The following UBE2D3 variants were observed in gnomAD, a reference collection of about 807,000 sequenced individuals.
UBE2D3 encodes ubiquitin-conjugating enzyme E2 D3.
A neutral mutation model predicts 22.8 loss-of-function variants in UBE2D3; 2 were observed. The ratio of observed to expected loss-of-function variants is 0.09; its 90% CI spans 0.04 to 0.28. The LOEUF is 0.28. Ranked by LOEUF, UBE2D3 falls within the 10% of genes least tolerant of loss-of-function variation. UBE2D3 has a pLI of 1.00. For missense variants in UBE2D3, 27 were observed against 182.5 expected, an observed-to-expected ratio of 0.15 and a Z score of 4.91; for synonymous variants, 56 against 60.4, an observed-to-expected ratio of 0.93 and a Z score of 0.34.
chr4:102,802,348 G>GC (rs1394566894), intron 5 of UBE2D3: 4 of 354,074 alleles, frequency 1.1e-5, no homozygotes, highest in Non-Finnish European at 1.5e-5. Context: ...TCTGAATCTT[G>GC]CAACATTAAA....
At chr4:102,802,492 C>G in intron 5 of UBE2D3, 69 bp downstream of exon 5, 2 of 1,329,452 alleles carry the variant, frequency 1.5e-6, no homozygotes, top group Non-Finnish European at 2.1e-6. Context: ...CCCTATCTTC[C>G]AAGAATGCTC....
In UBE2D3 at chr4:102,827,414, C is replaced by T. The variant is rs1730746741; in HGVS notation, c.-129+13G>A. Reference sequence around the variant, plus strand: ...CTCCCTTCCCTGCCCTAGCCGTCCACACCCACGCGTACAGAGGGGCCGGGG... The same window carrying T: ...CTCCCTTCCCTGCCCTAGCCGTCCATACCCACGCGTACAGAGGGGCCGGGG... On this transcript the variant is annotated intron_variant, in intron 1 of 7. Transcript: ENST00000453744. The T allele has an allele frequency of 1.0e-6, 1 of 986,172 alleles. No homozygotes were observed. Among genetic ancestry groups the T allele is most frequent in the Non-Finnish European group, 1.2e-6 (1 of 830,144 alleles). 61.1% of individuals were successfully genotyped at this position (986,172 alleles called of 1,614,324 possible). A position where few individuals can be genotyped will look rare whatever the true frequency, so the allele number is the denominator to read the frequency against.
intron 4 of UBE2D3, chr4:102,809,145 C>CAT (rs1727544430): frequency 3.1e-6 from 1 of 323,882 alleles, no homozygotes; most frequent in Non-Finnish European, 6.8e-6. Flanking sequence ...AATTATCCAG[C>CAT]ATATAGTTGC....
intron 7 of UBE2D3, among the ~76,000 whole-genome samples, chr4:102,798,056 C>G (rs1370389991): frequency 6.6e-6 from 1 of 151,472 alleles, no homozygotes; most frequent in Admixed American, 6.6e-5. Context: ...TCACGTGTTA[C>G]TTTTAATAAG....
At position 102,794,474 on chromosome 4, in the gene UBE2D3, A is replaced by G. The variant is rs1725059358; in HGVS notation, c.*2941T>C. ...TCTTATGCAGATGTCACTATTAGAC[A>G]ATATTTAGTGACTTGCACTGGGTTC... is the stretch of plus-strand genomic sequence containing the variant. On this transcript the variant is annotated 3_prime_UTR_variant, in exon 8 of 8. Transcript: ENST00000453744. 1 of 152,150 alleles carries G rather than the reference A, an allele frequency of 6.6e-6. No homozygotes were observed. Among genetic ancestry groups the G allele is most frequent in the African/African-American group, 2.4e-5 (1 of 41,448 alleles). The allele number at this position is 152,150 out of a possible 1,614,324, so 9.4% of individuals were successfully genotyped here.
intron 1 of UBE2D3, among the ~76,000 whole-genome samples, chr4:102,864,981 T>G (rs1415158891): frequency 3.3e-5 from 5 of 152,308 alleles, no homozygotes; most frequent in Non-Finnish European, 7.3e-5. Flanking sequence ...TAATAACAAA[T>G]GAGAGTAGAT....
At chr4:102,815,730 G>C (rs1298385160) in intron 2 of UBE2D3, among the ~76,000 whole-genome samples, 1 of 151,908 alleles carries the variant, frequency 6.6e-6, no homozygotes, top group Admixed American at 6.6e-5. Context: ...CCTTACTTTC[G>C]AAGTTCTCCA....
At chr4:102,836,166 TGA>T (rs1731387184) in intron 1 of UBE2D3, among the ~76,000 whole-genome samples, 1 of 131,952 alleles carries the variant, frequency 7.6e-6, no homozygotes. Context: ...TTTTTTTTTG[TGA>T]CTGAGTCTCA....
upstream of UBE2D3, chr4:102,828,077 G>C: frequency 1.0e-6 from 1 of 985,432 alleles, no homozygotes; most frequent in Non-Finnish European, 1.2e-6. Context: ...AAGTTCTCGC[G>C]AGACGCAGTA....
chr4:102,862,792 T>A (rs1249070793), intron 1 of UBE2D3, among the ~76,000 whole-genome samples: 1 of 152,222 alleles, frequency 6.6e-6, no homozygotes, highest in Non-Finnish European at 1.5e-5. Flanking sequence ...TTTTGTAGTA[T>A]GTGTCTCAGT....
At chr4:102,818,848 T>C (rs1232012879) in intron 2 of UBE2D3, among the ~76,000 whole-genome samples, 2 of 152,170 alleles carry the variant, frequency 1.3e-5, no homozygotes, top group African/African-American at 4.8e-5. Context: ...GTAGTCACTA[T>C]GGGATATGGG....
chr4:102,822,893 G>A (rs562756907), intron 2 of UBE2D3, among the ~76,000 whole-genome samples: 3 of 152,146 alleles, frequency 2.0e-5, no homozygotes, highest in Admixed American at 6.6e-5. Context: ...CTGAGATCGC[G>A]CCACTGCACT....
chr4:102,799,564 AC>A (rs1443978498), intron 6 of UBE2D3, 64 bp from the exon 7 acceptor site: 4 of 1,260,076 alleles, frequency 3.2e-6, no homozygotes, highest in Non-Finnish European at 3.4e-6. Context: ...ATTTTTCTAA[AC>A]CGTGTATTAC....
In UBE2D3 at chr4:102,809,715, A is replaced by G; in HGVS notation, c.89-12T>C. On this transcript the variant is annotated splice_polypyrimidine_tract_variant and intron_variant, in intron 3 of 7. Transcript: ENST00000453744. ...TTGCCAATGAAACACTAGAAAAAGA[A>G]AAAAAACTCTGGTTATCTAAAAATG... The G allele has an allele frequency of 6.2e-7, 1 of 1,613,048 alleles. No individual in the cohort carries two copies. Among genetic ancestry groups the G allele is most frequent in the Non-Finnish European group, 8.5e-7 (1 of 1,179,764 alleles).
chr4:102,799,987 G>C (rs750924886), intron 6 of UBE2D3, among the ~76,000 whole-genome samples: 1 of 151,932 alleles, frequency 6.6e-6, no homozygotes, highest in Non-Finnish European at 1.5e-5. Context: ...GAACTTGTAA[G>C]CAAGAAACCA....
intron 2 of UBE2D3, chr4:102,825,392 A>C: frequency 2.9e-6 from 3 of 1,028,824 alleles, no homozygotes; most frequent in South Asian, 3.2e-5. Context: ...TAAGAGTTTG[A>C]ATTTAGGTAA....
chr4:102,803,367 A>T (rs868855583), intron 4 of UBE2D3, among the ~76,000 whole-genome samples: 2 of 152,218 alleles, frequency 1.3e-5, no homozygotes, highest in South Asian at 4.1e-4. Context: ...GACATGTTTT[A>T]CAACTTACAT....
intron 2 of UBE2D3, among the ~76,000 whole-genome samples, chr4:102,824,953 T>C (rs1730223646): frequency 6.6e-6 from 1 of 152,168 alleles, no homozygotes; most frequent in Non-Finnish European, 1.5e-5. Context: ...TCTTCCTCTT[T>C]TCTTTCATTT....
At chr4:102,838,967 T>C in intron 1 of UBE2D3, among the ~76,000 whole-genome samples, 1 of 151,980 alleles carries the variant, frequency 6.6e-6, no homozygotes. Flanking sequence ...TTGTCCAGAG[T>C]TACTGAAGCT....
Sources: allele counts gnomAD v4.1 joint callset (sites outside exome capture counted in the v4.1 genomes callset), GRCh38; gene constraint gnomAD v4.1.1; transcripts MANE v1.5; gene names NCBI Gene and HGNC (gene_info 2026-07-23, HGNC 2026-07-21).